Variants in EFNA5 observed in about 807,000 individuals in gnomAD.
The protein encoded by EFNA5 is ephrin A5.
A neutral mutation model predicts 22.9 loss-of-function variants in EFNA5; 5 were observed. The ratio of observed to expected loss-of-function variants is 0.22; its 90% CI spans 0.11 to 0.46. EFNA5 has a LOEUF of 0.46. Among genes scored for constraint, EFNA5 ranks in the 20% least tolerant of loss-of-function variants. The pLI, the probability that EFNA5 is intolerant of heterozygous loss-of-function variation, is 0.99. For synonymous variants in EFNA5, 113 were observed against 112.2 expected (o/e 1.01, Z -0.04); for missense variants, 237 against 293.3 (o/e 0.81, Z 1.40).
intron 1 of EFNA5, among the ~76,000 whole-genome samples, chr5:107,615,539 C>T (rs1006849903): frequency 1.6e-4 from 24 of 152,178 alleles, no homozygotes; most frequent in Middle Eastern, 3.4e-3. Flanking sequence ...GTCAATCAAG[C>T]GTATGATTAG....
intron 1 of EFNA5, among the ~76,000 whole-genome samples, chr5:107,666,795 T>C (rs974606377): frequency 1.3e-5 from 2 of 152,084 alleles, no homozygotes; most frequent in African/African-American, 4.8e-5. Flanking sequence ...AAGAAGAACT[T>C]AGAATACGCA....
intron 4 of EFNA5, 52 bp downstream of exon 4, chr5:107,387,183 G>T: frequency 7.8e-7 from 1 of 1,287,252 alleles, no homozygotes; most frequent in Non-Finnish European, 1.1e-6. Flanking sequence ...AAATACGGAA[G>T]CACCAGAGAA....
At chr5:107,486,347 A>C (rs1386012888) in intron 1 of EFNA5, among the ~76,000 whole-genome samples, 3 of 152,234 alleles carry the variant, frequency 2.0e-5, no homozygotes, top group African/African-American at 7.2e-5. Flanking sequence ...TTTAAAAGCT[A>C]AAAGATATGG....
intron 1 of EFNA5, among the ~76,000 whole-genome samples, chr5:107,614,899 G>C (rs1414573910): frequency 6.6e-6 from 1 of 151,992 alleles, no homozygotes; most frequent in Non-Finnish European, 1.5e-5. Flanking sequence ...AAAAAAATAT[G>C]CCATATGTTT....
intron 1 of EFNA5, among the ~76,000 whole-genome samples, chr5:107,498,590 C>T (rs558012367): frequency 1.6e-4 from 25 of 152,302 alleles, no homozygotes; most frequent in African/African-American, 2.9e-4. Flanking sequence ...CACATCGCCT[C>T]GGCTCATGAA....
intron 1 of EFNA5, among the ~76,000 whole-genome samples, chr5:107,659,190 T>C (rs1034674677): frequency 2.3e-4 from 35 of 152,202 alleles, no homozygotes; most frequent in Non-Finnish European, 5.9e-5. Flanking sequence ...AATATAGGAA[T>C]ATAGAATTTC....
intron 1 of EFNA5, among the ~76,000 whole-genome samples, chr5:107,482,868 C>CTATATA (rs1491566387): frequency 4.7e-4 from 20 of 42,906 alleles, no homozygotes; most frequent in African/African-American, 1.8e-3. Context: ...CTCTCTCTCT[C>CTATATA]TCTATATATA....
intron 1 of EFNA5, among the ~76,000 whole-genome samples, chr5:107,523,144 A>G (rs566924255): frequency 3.3e-5 from 5 of 152,278 alleles, no homozygotes; most frequent in African/African-American, 1.2e-4. Context: ...AGACCAGACA[A>G]TATTTCTCCT....
chr5:107,535,077 T>A (rs759690254), intron 1 of EFNA5, among the ~76,000 whole-genome samples: 5 of 152,182 alleles, frequency 3.3e-5, no homozygotes, highest in Non-Finnish European at 5.9e-5. Flanking sequence ...GCTATTTCAT[T>A]TAGCTATGTC....
chr5:107,518,905 A>G (rs1413118966), intron 1 of EFNA5, among the ~76,000 whole-genome samples: 1 of 152,202 alleles, frequency 6.6e-6, no homozygotes, highest in Non-Finnish European at 1.5e-5. Flanking sequence ...GAGAGGAACC[A>G]TGTTAATTAT....
chr5:107,391,730 C>G (rs1747800064), intron 2 of EFNA5, among the ~76,000 whole-genome samples: 1 of 152,280 alleles, frequency 6.6e-6, no homozygotes, highest in Non-Finnish European at 1.5e-5. Context: ...ATGTCCCATT[C>G]CATTATCTTA....
intron 1 of EFNA5, among the ~76,000 whole-genome samples, chr5:107,473,436 A>G (rs1206583693): frequency 6.6e-6 from 1 of 152,114 alleles, no homozygotes; most frequent in African/African-American, 2.4e-5. Flanking sequence ...CACCAAGAAG[A>G]GCCAGGTGTC....
intron 1 of EFNA5, among the ~76,000 whole-genome samples, chr5:107,562,554 T>C (rs1015852839): frequency 2.0e-5 from 3 of 152,102 alleles, no homozygotes; most frequent in Non-Finnish European, 1.5e-5. Context: ...TGGTATGTTC[T>C]AGCTTGGTCC....
At chr5:107,503,167 C>G (rs1747174033) in intron 1 of EFNA5, among the ~76,000 whole-genome samples, 1 of 152,162 alleles carries the variant, frequency 6.6e-6, no homozygotes, top group Admixed American at 6.5e-5. Context: ...TGCCAATAAA[C>G]TTGTCTACTA....
intron 2 of EFNA5, among the ~76,000 whole-genome samples, chr5:107,417,859 C>G (rs1047207147): frequency 6.6e-6 from 1 of 152,108 alleles, no homozygotes; most frequent in African/African-American, 2.4e-5. Flanking sequence ...TGACAACTTT[C>G]AAACCAAGAG....
In EFNA5 at chr5:107,496,273, T is replaced by C. The variant is rs185359336; in HGVS notation, c.126-68764A>G. Among the ~76,000 whole-genome samples, 24 of 146,486 alleles carry C rather than the reference T, an allele frequency of 1.6e-4. No individual in the cohort carries two copies. In the East Asian group the frequency reaches 3.6e-3, roughly 22 times the overall value. On this transcript the variant is annotated intron_variant, in intron 1 of 4. Transcript: ENST00000333274. ...ATCATTTGAACCTGGGAGGCAGAGG[T>C]TGCAGTGAGCCAAGATCATACCATT...
chr5:107,574,032 T>C (rs1453137236), intron 1 of EFNA5, among the ~76,000 whole-genome samples: 1 of 152,224 alleles, frequency 6.6e-6, no homozygotes, highest in East Asian at 1.9e-4. Context: ...CACATCTATA[T>C]TTATACTCAC....
At chr5:107,394,655 T>C (rs1170325712) in intron 2 of EFNA5, among the ~76,000 whole-genome samples, 1 of 152,180 alleles carries the variant, frequency 6.6e-6, no homozygotes, top group South Asian at 2.1e-4. Flanking sequence ...TTCCCTCCTA[T>C]CTCTCTGCCC....
chr5:107,416,506 C>A (rs1223097724), intron 2 of EFNA5, among the ~76,000 whole-genome samples: 1 of 152,096 alleles, frequency 6.6e-6, no homozygotes, highest in African/African-American at 2.4e-5. Context: ...ACCGGCCTCA[C>A]AGATGAGGAT....
Sources: allele counts gnomAD v4.1 joint callset (sites outside exome capture counted in the v4.1 genomes callset), GRCh38; gene constraint gnomAD v4.1.1; transcripts MANE v1.5; gene names NCBI Gene and HGNC (gene_info 2026-07-23, HGNC 2026-07-21).